KIAA1671: variants seen among roughly 807,000 people sequenced by gnomAD.
The protein encoded by KIAA1671 is uncharacterized protein KIAA1671.
In KIAA1671, 52 loss-of-function variants were observed where a neutral mutation model predicts 131.2. The ratio of observed to expected loss-of-function variants is 0.40; its 90% confidence interval spans 0.32 to 0.50. The LOEUF (loss-of-function observed/expected upper bound fraction) is 0.50. Among genes scored for constraint, KIAA1671 ranks in the 20% least tolerant of loss-of-function variants. The pLI, the probability that KIAA1671 is intolerant of heterozygous loss-of-function variation, is 0.73. For synonymous variants in KIAA1671, 1,003 were observed against 961.6 expected (o/e 1.04, Z -0.80); for missense variants, 2,360 against 2,364.2 (o/e 1.00, Z 0.04).
chr22:24,976,513 G>T (rs1026564371), intron 1 of KIAA1671, among the ~76,000 whole-genome samples: 1 of 152,190 alleles, frequency 6.6e-6, no homozygotes, highest in African/African-American at 2.4e-5. Flanking sequence ...GTCCATGTTG[G>T]GGTGCGGAAG....
chr22:25,184,554 G>A (rs761747959), intron 10 of KIAA1671, among the ~76,000 whole-genome samples: 3 of 152,074 alleles, frequency 2.0e-5, no homozygotes, highest in Non-Finnish European at 2.9e-5. Flanking sequence ...TTTGCCCTCC[G>A]GTTTTCTTAT....
intron 6 of KIAA1671, among the ~76,000 whole-genome samples, chr22:25,158,353 G>A (rs539945237): frequency 1.6e-4 from 25 of 152,280 alleles, no homozygotes; most frequent in African/African-American, 5.5e-4. Context: ...ACTTGTCACT[G>A]GCATTTGAGG....
chr22:24,996,337 C>T (rs760739), intron 1 of KIAA1671, among the ~76,000 whole-genome samples: 21,769 of 151,824 alleles, frequency 0.14, 1,760 homozygotes, highest in East Asian at 0.28. Context: ...CGGGAACCAG[C>T]GAGGAGACCC....
intron 6 of KIAA1671, chr22:25,102,863 C>T (rs1930764833): frequency 6.6e-6 from 1 of 152,592 alleles, no homozygotes; most frequent in Non-Finnish European, 1.5e-5. Context: ...GCGATGCAGG[C>T]CTTACGCGGA....
chr22:25,093,870 C>T (rs1045918308), intron 6 of KIAA1671, among the ~76,000 whole-genome samples: 2 of 137,912 alleles, frequency 1.5e-5, no homozygotes, highest in African/African-American at 2.8e-5. Context: ...CTCTCTCTCT[C>T]TCTCTCTCTC....
Position 24,966,844 on chromosome 22 carries a change from T to C in KIAA1671, c.-208+14072T>C, listed in dbSNP as rs547673894. On this transcript the variant is annotated intron_variant, in intron 1 of 12. Coordinates refer to ENST00000358431, the MANE Select transcript of KIAA1671 (RefSeq NM_001145206.2). ...TGGTGCACACACCTGTAGTCTCAAC[T>C]GCTCGGGAGGCTGAGGCATGAGGAT... is the stretch of plus-strand genomic sequence containing the variant. Among the ~76,000 whole-genome samples, 5 of 152,266 alleles carry C rather than the reference T, an allele frequency of 3.3e-5. No homozygotes were observed. In the East Asian group the frequency reaches 9.6e-4, roughly 29 times the overall value.
chr22:25,076,749 A>G (rs1231492890), intron 6 of KIAA1671, among the ~76,000 whole-genome samples: 1 of 152,248 alleles, frequency 6.6e-6, no homozygotes, highest in Non-Finnish European at 1.5e-5. Flanking sequence ...AGTAGTAATT[A>G]GTGATATAAG....
intron 6 of KIAA1671, among the ~76,000 whole-genome samples, chr22:25,117,225 T>G (rs1931711390): frequency 6.6e-6 from 1 of 152,114 alleles, no homozygotes; most frequent in Non-Finnish European, 1.5e-5. Flanking sequence ...ATTCTCCCAG[T>G]GACTTAAATA....
At chr22:24,984,911 TC>T (rs1470094161) in intron 1 of KIAA1671, among the ~76,000 whole-genome samples, 2 of 48,258 alleles carry the variant, frequency 4.1e-5, no homozygotes, top group East Asian at 5.4e-4. Context: ...AGACTACGTC[TC>T]AAAAAAAAAA....
At chr22:24,974,371 T>C (rs1922800546) in intron 1 of KIAA1671, among the ~76,000 whole-genome samples, 1 of 152,130 alleles carries the variant, frequency 6.6e-6, no homozygotes, top group Non-Finnish European at 1.5e-5. Context: ...GTTAGGTCCT[T>C]TAGTTCTCAT....
chr22:25,111,512 C>T (rs566207060), intron 6 of KIAA1671, among the ~76,000 whole-genome samples: 80 of 152,354 alleles, frequency 5.3e-4, no homozygotes, highest in African/African-American at 1.9e-3. Context: ...GCTGCTCAGC[C>T]AGGGGACCCG....
intron 6 of KIAA1671, among the ~76,000 whole-genome samples, chr22:25,082,128 T>A (rs1929441964): frequency 6.6e-6 from 1 of 152,184 alleles, no homozygotes; most frequent in Non-Finnish European, 1.5e-5. Flanking sequence ...GGTTTCAAGC[T>A]GAGTGGACAT....
At chr22:25,010,002 A>G (rs1924952203) in intron 1 of KIAA1671, 1 of 152,164 alleles carries the variant, frequency 6.6e-6, no homozygotes, top group Non-Finnish European at 1.5e-5. Context: ...CACCTGTGAA[A>G]CAGGACATGA....
intron 6 of KIAA1671, among the ~76,000 whole-genome samples, chr22:25,140,110 A>G (rs1342336904): frequency 6.6e-6 from 1 of 152,236 alleles, no homozygotes. Context: ...CAAGGCTGCA[A>G]TCCGGGTGTT....
intron 11 of KIAA1671, 113 bp downstream of exon 11, chr22:25,185,232 T>C: frequency 8.8e-7 from 1 of 1,140,602 alleles, no homozygotes; most frequent in Non-Finnish European, 1.2e-6. Context: ...AACTTTTTAA[T>C]TTTCTCTAGC....
At chr22:25,043,078 CAG>C (rs1158647332) in intron 5 of KIAA1671, among the ~76,000 whole-genome samples, 2 of 128,986 alleles carry the variant, frequency 1.6e-5, no homozygotes, top group Non-Finnish European at 3.1e-5. Flanking sequence ...CAGTGAAGAA[CAG>C]AGAGAAAGAG....
intron 6 of KIAA1671, among the ~76,000 whole-genome samples, chr22:25,121,959 T>C (rs1454198042): frequency 6.6e-6 from 1 of 152,100 alleles, no homozygotes; most frequent in Non-Finnish European, 1.5e-5. Flanking sequence ...ACGCAGCTGG[T>C]TAAGAGAGTG....
At chr22:25,177,638 A>C in intron 9 of KIAA1671, 116 bp downstream of exon 9, 1 of 833,540 alleles carries the variant, frequency 1.2e-6, no homozygotes, top group Non-Finnish European at 1.8e-6. Flanking sequence ...GAACACAATT[A>C]CATAGGAAAC....
chr22:25,005,259 A>T (rs559091444), intron 1 of KIAA1671, among the ~76,000 whole-genome samples: 11 of 151,366 alleles, frequency 7.3e-5, no homozygotes, highest in South Asian at 2.1e-4. Context: ...GAGGCAGCAG[A>T]ATCGCTTGAA....
Sources: allele counts gnomAD v4.1 joint callset (sites outside exome capture counted in the v4.1 genomes callset), GRCh38; gene constraint gnomAD v4.1.1; transcripts MANE v1.5; gene names NCBI Gene and HGNC (gene_info 2026-07-23, HGNC 2026-07-21).